The following WARS2 variants were observed in gnomAD, a reference collection of about 807,000 sequenced individuals.
The protein encoded by WARS2 is tryptophan--tRNA ligase, mitochondrial.
In WARS2, 28 loss-of-function variants were observed where a neutral mutation model predicts 36.5. The ratio of observed to expected loss-of-function variants is 0.77; its 90% CI spans 0.57 to 1.05. WARS2 has a LOEUF of 1.05. Ranked by LOEUF, WARS2 falls within the 50% of genes least tolerant of loss-of-function variation. The pLI, the probability that WARS2 is intolerant of heterozygous loss-of-function variation, is 0.00. For synonymous variants in WARS2, 174 were observed against 178.4 expected, an observed-to-expected ratio of 0.98 and a Z score of 0.20; for missense variants, 435 against 456.8, an observed-to-expected ratio of 0.95 and a Z score of 0.44.
At chr1:119,125,943 G>A (rs1384173908) in intron 1 of WARS2, among the ~76,000 whole-genome samples, 1 of 152,082 alleles carries the variant, frequency 6.6e-6, no homozygotes, top group Admixed American at 6.5e-5. Context: ...CTCCATTTTT[G>A]AAATCATAAA....
chr1:119,057,801 A>C (rs1366638843), intron 2 of WARS2, among the ~76,000 whole-genome samples: 3 of 152,110 alleles, frequency 2.0e-5, no homozygotes, highest in Admixed American at 1.3e-4. Flanking sequence ...AAGAAAAAAA[A>C]AAGAAAAAAA....
intron 2 of WARS2, among the ~76,000 whole-genome samples, chr1:119,069,327 C>A (rs1296732106): frequency 6.6e-6 from 1 of 152,072 alleles, no homozygotes; most frequent in Non-Finnish European, 1.5e-5. Flanking sequence ...CTGGAATTGG[C>A]TCCCAAAACA....
At chr1:119,086,041 G>A (rs376496976) in intron 1 of WARS2, 27 of 1,386,952 alleles carry the variant, frequency 1.9e-5, no homozygotes, top group Admixed American at 8.3e-5. Context: ...TAAATTTCTC[G>A]TAGAGGCAAG....
At chr1:119,120,872 A>G (rs1219313037) in intron 1 of WARS2, among the ~76,000 whole-genome samples, 2 of 152,086 alleles carry the variant, frequency 1.3e-5, no homozygotes, top group Admixed American at 1.3e-4. Flanking sequence ...CCTTAGGAAA[A>G]TTAGCATAGA....
At chr1:119,107,546 G>A (rs2101483920) in intron 1 of WARS2, among the ~76,000 whole-genome samples, 1 of 152,006 alleles carries the variant, frequency 6.6e-6, no homozygotes, top group East Asian at 1.9e-4. Context: ...CCATTGTATT[G>A]CCTTTCTTTG....
At chr1:119,040,657 A>G (rs1161733864) in intron 4 of WARS2, among the ~76,000 whole-genome samples, 1 of 152,222 alleles carries the variant, frequency 6.6e-6, no homozygotes, top group African/African-American at 2.4e-5. Context: ...AAAATTAGAC[A>G]ACATTGTAAT....
At chr1:119,140,504 A>G (rs1656882811) in intron 1 of WARS2, 51 bp downstream of exon 1, 2 of 1,564,154 alleles carry the variant, frequency 1.3e-6, no homozygotes, top group Admixed American at 1.7e-5. Flanking sequence ...GTGGGATGAG[A>G]AGAACCTCGC....
At chr1:119,034,276 T>C (rs947933582) in intron 4 of WARS2, 63 bp from the exon 5 acceptor site, 45 of 1,254,546 alleles carry the variant, frequency 3.6e-5, no homozygotes, top group Non-Finnish European at 5.0e-5. Context: ...GAAATGATAT[T>C]GCAAGCAGCT....
intron 2 of WARS2, among the ~76,000 whole-genome samples, chr1:119,046,420 T>A (rs1169479580): frequency 6.6e-6 from 1 of 150,626 alleles, no homozygotes; most frequent in South Asian, 2.1e-4. Context: ...GTGATCTCAG[T>A]TCACAGCAAC....
At chr1:119,091,770 T>G (rs1040450737) in intron 1 of WARS2, among the ~76,000 whole-genome samples, 1 of 152,196 alleles carries the variant, frequency 6.6e-6, no homozygotes, top group African/African-American at 2.4e-5. Context: ...AAGGAATCAC[T>G]GCTGACATGT....
At position 119,073,384 on chromosome 1, in the gene WARS2, G is replaced by A. The variant is rs375061938; in HGVS notation, c.348+2966C>T. 7.2e-5 allele frequency among the ~76,000 whole-genome samples: 11 copies of A among 152,234 alleles called. No homozygotes were observed. In the South Asian group the frequency reaches 1.7e-3, roughly 23 times the overall value. ...AGGTTGGTTGCCTGAGCCAAAGGAC[G>A]AAATGGCTAAGACCAAGTTTATCTT... On this transcript the variant is annotated intron_variant, in intron 2 of 5. Transcript: ENST00000235521.
chr1:119,120,694 T>C (rs1655272941), intron 1 of WARS2, among the ~76,000 whole-genome samples: 1 of 152,084 alleles, frequency 6.6e-6, no homozygotes. Flanking sequence ...TAATCGACCA[T>C]GATCAAGTGG....
chr1:119,086,749 C>G (rs1652704195), intron 1 of WARS2, among the ~76,000 whole-genome samples: 1 of 152,158 alleles, frequency 6.6e-6, no homozygotes, highest in South Asian at 2.1e-4. Flanking sequence ...ATCACATATA[C>G]TGACTTAGCA....
intron 1 of WARS2, among the ~76,000 whole-genome samples, chr1:119,083,599 T>TC (rs765129479): frequency 1.1e-4 from 16 of 152,196 alleles, no homozygotes; most frequent in Non-Finnish European, 2.2e-4. Flanking sequence ...GGTCTTTTTT[T>TC]CTGTCTCCCC....
intron 1 of WARS2, among the ~76,000 whole-genome samples, chr1:119,129,786 T>A (rs1655964203): frequency 6.6e-6 from 1 of 152,066 alleles, no homozygotes; most frequent in Non-Finnish European, 1.5e-5. Flanking sequence ...TATAGCACAA[T>A]TAAAGGTTTT....
chr1:119,091,253 T>A (rs1283912562), intron 1 of WARS2, among the ~76,000 whole-genome samples: 1 of 152,234 alleles, frequency 6.6e-6, no homozygotes, highest in East Asian at 1.9e-4. Flanking sequence ...ATAGCTAACA[T>A]TTATTGAGTG....
rs185323615 is a variant in WARS2, at chr1:119,042,664, C to T, written c.430-315G>A. On this transcript the variant is annotated intron_variant, in intron 3 of 5. Coordinates refer to ENST00000235521, the MANE Select transcript of WARS2 (RefSeq NM_015836.4). ...TTATTGGTTCCAAATCGGATAAATT[C>T]CAGATTTCACAGACAAGGCCACAAA... Among the ~76,000 whole-genome samples the T allele has an allele frequency of 1.6e-3, 240 of 151,918 alleles. 5 individuals are homozygous for T. The highest frequency in any genetic ancestry group is 0.01 in the Middle Eastern group (3 of 294).
At chr1:119,132,130 G>C (rs1295604470) in intron 1 of WARS2, among the ~76,000 whole-genome samples, 1 of 152,156 alleles carries the variant, frequency 6.6e-6, no homozygotes, top group Non-Finnish European at 1.5e-5. Context: ...TGTTGCACAT[G>C]AGACAACTGA....
At chr1:119,106,028 A>G (rs1000968452) in intron 1 of WARS2, among the ~76,000 whole-genome samples, 31 of 152,202 alleles carry the variant, frequency 2.0e-4, no homozygotes, top group Admixed American at 1.8e-3. Context: ...GAAGGTTACT[A>G]AAGATTTTAA....
Sources: allele counts gnomAD v4.1 joint callset (sites outside exome capture counted in the v4.1 genomes callset), GRCh38; gene constraint gnomAD v4.1.1; transcripts MANE v1.5; gene names NCBI Gene and HGNC (gene_info 2026-07-23, HGNC 2026-07-21).